The following ALKBH3 variants were observed in gnomAD, a reference collection of about 807,000 sequenced individuals.
ALKBH3 encodes the protein alkB homolog 3, alpha-ketoglutarate dependent dioxygenase.
In ALKBH3, 51 loss-of-function variants were observed where a neutral mutation model predicts 43.9. That is an observed-to-expected ratio of 1.16 (90% CI 0.93 to 1.47). ALKBH3 has a LOEUF of 1.47. ALKBH3 is among the 40% of genes most tolerant of loss of function. ALKBH3 has a pLI of 0.00. For synonymous variants in ALKBH3, 102 were observed against 115.2 expected, an observed-to-expected ratio of 0.89 and a Z score of 0.73; for missense variants, 361 against 351.9, an observed-to-expected ratio of 1.03 and a Z score of -0.21.
chr11:43,916,816 G>C (rs1354625403), intron 8 of ALKBH3: 2 of 152,210 alleles, frequency 1.3e-5, no homozygotes, highest in Non-Finnish European at 2.9e-5. Context: ...TCAGTTGAAG[G>C]GTGGCTCTAT....
chr11:43,900,682 GCTTTGT>G (rs966214485), intron 7 of ALKBH3, among the ~76,000 whole-genome samples: 37 of 152,256 alleles, frequency 2.4e-4, no homozygotes, highest in Admixed American at 5.9e-4. Context: ...TCTAAAGGAA[GCTTTGT>G]AAAGTACTCG....
intron 1 of ALKBH3, among the ~76,000 whole-genome samples, chr11:43,882,070 T>A (rs2460118): frequency 0.84 from 127,267 of 152,152 alleles, 54,093 homozygotes; most frequent in East Asian, 0.98. Context: ...ATACCTGCAT[T>A]GTGTCAAATC....
intron 8 of ALKBH3, among the ~76,000 whole-genome samples, chr11:43,914,878 A>G (rs1259571675): frequency 3.3e-5 from 5 of 152,136 alleles, no homozygotes; most frequent in Admixed American, 3.3e-4. Context: ...TCACAGCAGA[A>G]GAAACACAAA....
chr11:43,896,711 T>C (rs952689261), intron 7 of ALKBH3, among the ~76,000 whole-genome samples: 3 of 151,832 alleles, frequency 2.0e-5, no homozygotes, highest in African/African-American at 7.2e-5. Context: ...TGAGCCTGAC[T>C]TCTTCCCATT....
chr11:43,888,512 T>A (rs1951761572), intron 5 of ALKBH3, among the ~76,000 whole-genome samples: 1 of 152,268 alleles, frequency 6.6e-6, no homozygotes, highest in Non-Finnish European at 1.5e-5. Context: ...CCTTAATGCA[T>A]GAGTATACTA....
At chr11:43,883,868 A>G in intron 3 of ALKBH3, 115 bp from the exon 4 acceptor site, 1 of 1,297,814 alleles carries the variant, frequency 7.7e-7, no homozygotes. Context: ...AGAAGTTGGA[A>G]TAGAAAAGAG....
chr11:43,889,895 C>T (rs1043238597), intron 6 of ALKBH3, 67 bp downstream of exon 6: 1 of 1,322,952 alleles, frequency 7.6e-7, no homozygotes, highest in African/African-American at 1.5e-5. Flanking sequence ...TTCCTAGTAC[C>T]ATCACTTCTG....
In ALKBH3 at chr11:43,881,102, G is replaced by A. The variant is rs1173998621; in HGVS notation, c.-148G>A. On this transcript the variant is annotated 5_prime_UTR_variant, in exon 1 of 10. Coordinates refer to ENST00000302708, the MANE Select transcript of ALKBH3 (RefSeq NM_139178.4). ...TCCACGACCAAGCTCTTCCACCTGCGGAGCTCGCTTAGTCTGCACCTCAAC... is the reference window on the plus strand; with the variant it reads ...TCCACGACCAAGCTCTTCCACCTGCAGAGCTCGCTTAGTCTGCACCTCAAC... 1 of 152,562 alleles carries A rather than the reference G, an allele frequency of 6.6e-6. No homozygotes were observed. The highest frequency in any genetic ancestry group is 1.5e-5 in the Non-Finnish European group (1 of 68,296). The allele number at this position is 152,562 out of a possible 1,614,324, so 9.5% of individuals were successfully genotyped here. A position where few individuals can be genotyped will look rare whatever the true frequency, so the allele number is the denominator to read the frequency against.
intron 7 of ALKBH3, among the ~76,000 whole-genome samples, chr11:43,900,225 T>A (rs1359205204): frequency 1.5e-5 from 2 of 130,706 alleles, no homozygotes; most frequent in African/African-American, 5.6e-5. Context: ...ATTTTTTTTT[T>A]TTTTTTTTTT....
chr11:43,892,012 A>C (rs375859361), intron 6 of ALKBH3, 29 bp from the exon 7 acceptor site: 10 of 1,556,034 alleles, frequency 6.4e-6, no homozygotes, highest in Non-Finnish European at 8.0e-6. Flanking sequence ...GCATTAAACC[A>C]TTTCAAAGGC....
chr11:43,889,814 C>G lies in ALKBH3; in HGVS notation c.356C>G (p.Thr119Ser). ...LCQDVPWKQR[T>S]GIREDITYQQ... The stretch of plus-strand genomic sequence containing the variant: ...CAAGATGTTCCCTGGAAACAGAGGA[C>G]TGGCATCAGAGAGGGTAAGTAGATC... Residue 119 changes from threonine (T) to serine (S), a missense_variant, in exon 6 of 10, where the codon ACT becomes AGT. By Grantham distance (58) the Thr-to-Ser change is moderately conservative. Transcript: ENST00000302708. 1 of 1,613,424 alleles carries G rather than the reference C, an allele frequency of 6.2e-7. No homozygotes were observed. The highest frequency in any genetic ancestry group is 1.1e-5 in the South Asian group (1 of 91,062).
At chr11:43,919,632 T>C (rs1427946154) in intron 9 of ALKBH3, 4 of 360,012 alleles carry the variant, frequency 1.1e-5, no homozygotes, top group Non-Finnish European at 2.1e-5. Flanking sequence ...TCCATTTATA[T>C]GTTTTATGAG....
intron 8 of ALKBH3, chr11:43,910,588 A>G: frequency 6.6e-6 from 1 of 152,318 alleles, no homozygotes; most frequent in Non-Finnish European, 1.5e-5. Flanking sequence ...ATTTATGTTC[A>G]TGTTAACCTA....
At chr11:43,914,562 C>A (rs1266500088) in intron 8 of ALKBH3, among the ~76,000 whole-genome samples, 8 of 128,396 alleles carry the variant, frequency 6.2e-5, no homozygotes, top group African/African-American at 2.1e-4. Flanking sequence ...AAAATGTAAA[C>A]TCTTAAAAAA....
intron 8 of ALKBH3, among the ~76,000 whole-genome samples, chr11:43,906,094 G>A (rs920604522): frequency 1.3e-5 from 2 of 152,204 alleles, no homozygotes; most frequent in Admixed American, 6.5e-5. Flanking sequence ...ATTCACCTCA[G>A]GGTGATTGAG....
At chr11:43,913,671 A>G (rs750267474) in intron 8 of ALKBH3, among the ~76,000 whole-genome samples, 5 of 152,242 alleles carry the variant, frequency 3.3e-5, no homozygotes, top group Non-Finnish European at 7.3e-5. Flanking sequence ...GCACTACTGC[A>G]TGGAATGGCA....
chr11:43,903,895 C>T (rs376789781), intron 8 of ALKBH3, among the ~76,000 whole-genome samples: 4 of 152,144 alleles, frequency 2.6e-5, no homozygotes, highest in African/African-American at 7.2e-5. Flanking sequence ...TTTCTTCTCC[C>T]CTCCAGAGAG....
chr11:43,885,847 A>C (rs193198491), intron 4 of ALKBH3, among the ~76,000 whole-genome samples: 6 of 152,344 alleles, frequency 3.9e-5, no homozygotes, highest in Admixed American at 1.3e-4. Context: ...GGTAACACAG[A>C]GGATGAGAGG....
At position 43,897,619 on chromosome 11, in the gene ALKBH3, T is replaced by G. The variant is rs192564360; in HGVS notation, c.460-3897T>G. The G allele has an allele frequency of 1.0e-3, 900 of 882,528 alleles. 12 individuals are homozygous for G. The highest frequency in any genetic ancestry group is 9.4e-5 in the Non-Finnish European group (48 of 511,634). 54.7% of individuals were successfully genotyped at this position (882,528 alleles called of 1,614,324 possible). Reference sequence around the variant, plus strand: ...AGTGAAGATGGGGCTGTTCATGTCATTGAAAGGCGCTGCAAGCTGGATGTA... The same window carrying G: ...AGTGAAGATGGGGCTGTTCATGTCAGTGAAAGGCGCTGCAAGCTGGATGTA... On this transcript the variant is annotated intron_variant, in intron 7 of 9. Coordinates refer to ENST00000302708, the MANE Select transcript of ALKBH3 (RefSeq NM_139178.4).
Sources: allele counts gnomAD v4.1 joint callset (sites outside exome capture counted in the v4.1 genomes callset), GRCh38; gene constraint gnomAD v4.1.1; transcripts MANE v1.5; gene names NCBI Gene and HGNC (gene_info 2026-07-23, HGNC 2026-07-21).